Variants in LRRC9 observed in about 807,000 individuals in gnomAD.
LRRC9 encodes the protein leucine rich repeat containing 9.
Under a neutral mutation model 63.2 loss-of-function variants are expected in LRRC9, and 122 were observed. That is an observed-to-expected ratio of 1.93 (90% CI 1.67 to 2.24). The LOEUF (loss-of-function observed/expected upper bound fraction) is 2.24. Among genes scored for constraint, LRRC9 ranks in the 30% most tolerant of loss-of-function variants. LRRC9 has a pLI of 0.00. For synonymous variants in LRRC9, 366 were observed against 213.1 expected (o/e 1.72, Z -6.25); for missense variants, 1,071 against 627.7 (o/e 1.71, Z -7.55).
intron 8 of LRRC9, among the ~76,000 whole-genome samples, chr14:59,948,887 G>T (rs1882768473): frequency 4.0e-5 from 1 of 25,242 alleles, no homozygotes; most frequent in Non-Finnish European, 7.9e-5. Context: ...TAAGCTTTTT[G>T]ATGTGCTGCT....
intron 12 of LRRC9, among the ~76,000 whole-genome samples, chr14:59,972,476 G>A (rs894422660): frequency 1.3e-5 from 2 of 151,978 alleles, no homozygotes; most frequent in East Asian, 3.8e-4. Context: ...TTTCATATTA[G>A]TTTTGTTTTC....
chr14:59,933,363 G>C (rs1889870797), intron 6 of LRRC9, among the ~76,000 whole-genome samples: 2 of 152,112 alleles, frequency 1.3e-5, no homozygotes. Context: ...TGTTGGACAT[G>C]TAGTAAATCT....
intron 29 of LRRC9, among the ~76,000 whole-genome samples, chr14:60,052,305 G>A (rs1181495613): frequency 3.0e-4 from 45 of 152,130 alleles, no homozygotes; most frequent in Admixed American, 2.9e-3. Context: ...TACATTTTAG[G>A]TTATAAACTG....
At chr14:60,006,673 T>C in intron 22 of LRRC9, 56 bp downstream of exon 22, 2 of 549,668 alleles carry the variant, frequency 3.6e-6, no homozygotes, top group Admixed American at 7.1e-5. Flanking sequence ...TTCTTTATAT[T>C]ATGAAAGTAA....
chr14:59,949,608 C>T (rs1349183847), intron 8 of LRRC9, among the ~76,000 whole-genome samples: 1 of 151,474 alleles, frequency 6.6e-6, no homozygotes, highest in Admixed American at 6.6e-5. Flanking sequence ...AATTTTGGAT[C>T]TTTCCTGCTT....
intron 8 of LRRC9, among the ~76,000 whole-genome samples, chr14:59,948,066 G>C (rs1168119931): frequency 7.7e-6 from 1 of 130,454 alleles, no homozygotes; most frequent in Non-Finnish European, 1.6e-5. Flanking sequence ...TAGCTTGATG[G>C]GGATGGTATT....
intron 29 of LRRC9, among the ~76,000 whole-genome samples, chr14:60,035,963 G>T (rs1257383693): frequency 6.7e-6 from 1 of 148,602 alleles, no homozygotes; most frequent in Non-Finnish European, 1.5e-5. Context: ...ACAATTCTGA[G>T]GCTGAAAGTA....
chr14:60,036,733 T>G (rs896871845), intron 29 of LRRC9, among the ~76,000 whole-genome samples: 7 of 152,256 alleles, frequency 4.6e-5, no homozygotes, highest in Admixed American at 4.6e-4. Context: ...TGCCTCTTTT[T>G]TTTTTTGCCT....
chr14:59,995,713 GGAA>G (rs2140175632), intron 17 of LRRC9, among the ~76,000 whole-genome samples: 2 of 133,924 alleles, frequency 1.5e-5, no homozygotes, highest in South Asian at 5.0e-4. Context: ...TTCAAGGGGT[GGAA>G]GAAGACAGGT....
At chr14:59,996,489 G>T (rs1205927934) in intron 17 of LRRC9, among the ~76,000 whole-genome samples, 1 of 151,910 alleles carries the variant, frequency 6.6e-6, no homozygotes, top group Non-Finnish European at 1.5e-5. Flanking sequence ...AAGTTGTAGA[G>T]AAATCAAACA....
At chr14:60,001,234 C>T (rs1036596639) in intron 19 of LRRC9, among the ~76,000 whole-genome samples, 12 of 151,658 alleles carry the variant, frequency 7.9e-5, no homozygotes, top group African/African-American at 1.5e-4. Context: ...AGCAATTTTA[C>T]TTTACTTAGG....
rs1434884432 is a variant in LRRC9, at chr14:60,053,887, A to G, written c.4131+682A>G. ...GGTTTTTGAACAGAGAAGTAACATT[A>G]TTAGAATGCTGTGGTTTGAGAAAAA... On this transcript the variant is annotated intron_variant, in intron 30 of 31. Transcript: ENST00000445360. The surrounding 1 kb of genome is among the most constrained non-coding windows in gnomAD (Gnocchi z 4.8). 4.4e-6 allele frequency: 2 copies of G among 454,818 alleles called. No homozygotes were observed. Among genetic ancestry groups the G allele is most frequent in the Admixed American group, 2.4e-5 (1 of 42,274 alleles). 28.2% of individuals were successfully genotyped at this position (454,818 alleles called of 1,614,324 possible). A position where few individuals can be genotyped will look rare whatever the true frequency, so the allele number is the denominator to read the frequency against.
At chr14:59,985,278 G>A (rs865932675) in intron 17 of LRRC9, 54 bp downstream of exon 17, 20 of 567,890 alleles carry the variant, frequency 3.5e-5, no homozygotes, top group Middle Eastern at 3.0e-4. Flanking sequence ...AGCAGAAGTA[G>A]AATGGTGGTT....
At chr14:60,000,721 A>C (rs1889280984) in intron 19 of LRRC9, among the ~76,000 whole-genome samples, 1 of 152,166 alleles carries the variant, frequency 6.6e-6, no homozygotes, top group South Asian at 2.1e-4. Context: ...TGAATAATTT[A>C]GTAGGCAAGA....
intron 30 of LRRC9, among the ~76,000 whole-genome samples, chr14:60,056,258 A>C (rs1487417733): frequency 1.3e-5 from 2 of 152,208 alleles, no homozygotes; most frequent in Admixed American, 6.5e-5. Flanking sequence ...CATATGTGAG[A>C]GCTCCAGTGA....
rs1235736866 is a variant in LRRC9 at position 59,927,672 on chromosome 14, C to T, written c.-33-239C>T. Among the ~76,000 whole-genome samples the T allele has an allele frequency of 2.0e-5, 3 of 151,594 alleles. No individual in the cohort carries two copies. The highest frequency in any genetic ancestry group is 3.9e-4 in the East Asian group (2 of 5,168). ...TCATCGTGTGGAAAAAAAGTTATACCGAGGAGGTATACTGACAACAAAAGG... is the reference window on the plus strand; with the variant it reads ...TCATCGTGTGGAAAAAAAGTTATACTGAGGAGGTATACTGACAACAAAAGG... On this transcript the variant is annotated intron_variant, in intron 1 of 31. Coordinates refer to ENST00000445360, the Ensembl canonical transcript of LRRC9. The surrounding 1 kb of genome is among the most constrained non-coding windows in gnomAD (Gnocchi z 4.4).
chr14:59,931,685 A>G lies in LRRC9; in HGVS notation c.472+3A>G, dbSNP rs1160226827. ...TGGAAATCTAATAAATAGCATTGGT[A>G]TGTACTATTTCATTTGGAATCTGAG... On this transcript the variant is annotated splice_donor_region_variant and intron_variant, in intron 5 of 31. Transcript: ENST00000445360. The G allele has an allele frequency of 5.8e-6, 4 of 692,544 alleles. No individual in the cohort carries two copies. The highest frequency in any genetic ancestry group is 7.9e-6 in the Non-Finnish European group (3 of 381,130). 42.9% of individuals were successfully genotyped at this position (692,544 alleles called of 1,614,324 possible).
At chr14:60,065,951 T>C (rs543724791), downstream of LRRC9, among the ~76,000 whole-genome samples, 3 of 152,102 alleles carry the variant, frequency 2.0e-5, no homozygotes, top group South Asian at 6.2e-4. Context: ...TGCGATTAAT[T>C]GTCCAATACA....
chr14:60,017,577 T>C lies in LRRC9; in HGVS notation c.3317+787T>C, dbSNP rs996246213. On this transcript the variant is annotated intron_variant, in intron 24 of 31. Coordinates refer to ENST00000445360, the Ensembl canonical transcript of LRRC9. This position sits in a 1 kb window ranked among gnomAD's most constrained non-coding sequence, Gnocchi z 4.0. The stretch of plus-strand genomic sequence containing the variant: ...TTATTTTTATTTTTCTGGCTCCCAC[T>C]TCTTGGGGGCTGAAACATTTCTTTC... Among the ~76,000 whole-genome samples the C allele has an allele frequency of 6.6e-6, 1 of 152,122 alleles. No individual in the cohort carries two copies. Among genetic ancestry groups the C allele is most frequent in the African/African-American group, 2.4e-5 (1 of 41,446 alleles).
Sources: allele counts gnomAD v4.1 joint callset (sites outside exome capture counted in the v4.1 genomes callset), GRCh38; gene constraint gnomAD v4.1.1; non-coding constraint Gnocchi (gnomAD v3.1); transcripts MANE v1.5; gene names NCBI Gene and HGNC (gene_info 2026-07-23, HGNC 2026-07-21).